DNTTIP1: variants seen among roughly 807,000 people sequenced by gnomAD.
DNTTIP1 encodes the protein deoxynucleotidyltransferase terminal interacting protein 1, also known as deoxynucleotidyltransferase terminal-interacting protein 1.
A neutral mutation model predicts 52.9 loss-of-function variants in DNTTIP1; 22 were observed. That is an observed-to-expected ratio of 0.42 (90% CI 0.30 to 0.59). The LOEUF (loss-of-function observed/expected upper bound fraction) is 0.59, where lower values mean the gene tolerates loss of function less well. DNTTIP1 is among the 20% of genes least tolerant of loss of function. DNTTIP1 has a pLI of 0.22. For synonymous variants in DNTTIP1, 136 were observed against 155.1 expected, an observed-to-expected ratio of 0.88 and a Z score of 0.92; for missense variants, 286 against 435.5, an observed-to-expected ratio of 0.66 and a Z score of 3.06.
intron 11 of DNTTIP1, among the ~76,000 whole-genome samples, chr20:45,810,575 C>CTTTTTTTT (rs57338956): frequency 4.6e-4 from 57 of 124,108 alleles, no homozygotes; most frequent in East Asian, 9.3e-4. Context: ...TTCTTTTTTT[C>CTTTTTTTT]TTTTTTTTTT....
Position 45,792,661 on chromosome 20 carries a change from C to A in DNTTIP1, c.106-16C>A. ...GTCACAGGCCGCAGTGACATTTGTTCCGTTGGTCCCCACAGAACCCTTGGA... is the reference window on the plus strand; with the variant it reads ...GTCACAGGCCGCAGTGACATTTGTTACGTTGGTCCCCACAGAACCCTTGGA... On this transcript the variant is annotated splice_polypyrimidine_tract_variant and intron_variant, in intron 1 of 12. Transcript: ENST00000372622. The A allele has an allele frequency of 6.3e-7, 1 of 1,587,858 alleles. No individual in the cohort carries two copies. The highest frequency in any genetic ancestry group is 8.6e-7 in the Non-Finnish European group (1 of 1,169,538).
chr20:45,800,691 AAAAATATATATATATATATAT>A (rs1568707670), intron 4 of DNTTIP1, among the ~76,000 whole-genome samples: 4 of 57,102 alleles, frequency 7.0e-5, no homozygotes, highest in African/African-American at 3.8e-4. Flanking sequence ...AAAAAAAAAA[AAAAATATATATATATATATAT>A]ATATATATAT....
chr20:45,798,974 G>T (rs1424905102), intron 4 of DNTTIP1, among the ~76,000 whole-genome samples: 2 of 152,210 alleles, frequency 1.3e-5, no homozygotes, highest in Non-Finnish European at 2.9e-5. Flanking sequence ...CAACAAATGT[G>T]TGCATAATTA....
rs140582552 is a variant in DNTTIP1 at position 45,811,409 on chromosome 20, A to C, written c.*214A>C. The C allele has an allele frequency of 7.8e-6, 4 of 510,930 alleles. No individual in the cohort carries two copies. Among genetic ancestry groups the C allele is most frequent in the Non-Finnish European group, 1.4e-5 (4 of 294,878 alleles). The allele number at this position is 510,930 out of a possible 1,614,324, so 31.6% of individuals were successfully genotyped here. ...GATAAGAAACAATTAAACAGTTTGTAGTAAACACAGATGGTGAACCTGCTG... is the reference window on the plus strand; with the variant it reads ...GATAAGAAACAATTAAACAGTTTGTCGTAAACACAGATGGTGAACCTGCTG... On this transcript the variant is annotated 3_prime_UTR_variant, in exon 13 of 13. Coordinates refer to ENST00000372622, the MANE Select transcript of DNTTIP1 (RefSeq NM_052951.3).
In DNTTIP1 at chr20:45,809,276, G is replaced by T; in HGVS notation, c.795+91G>T. On this transcript the variant is annotated intron_variant, in intron 11 of 12. Transcript: ENST00000372622. This position sits in a 1 kb window ranked among gnomAD's most constrained non-coding sequence, Gnocchi z 4.2. ...TGGGTGACAGCCTACCTCCAAATCT[G>T]ACTTCCAAAGCCTCACCAATGTGTG... The T allele has an allele frequency of 9.0e-7, 1 of 1,114,152 alleles. No individual in the cohort carries two copies. Among genetic ancestry groups the T allele is most frequent in the South Asian group, 1.3e-5 (1 of 78,470 alleles). 69.0% of individuals were successfully genotyped at this position (1,114,152 alleles called of 1,614,324 possible). A position where few individuals can be genotyped will look rare whatever the true frequency, so the allele number is the denominator to read the frequency against.
intron 6 of DNTTIP1, 32 bp downstream of exon 6, chr20:45,801,490 G>A: frequency 6.2e-7 from 1 of 1,612,682 alleles, no homozygotes; most frequent in Non-Finnish European, 8.5e-7. Flanking sequence ...TTTTCTGGCT[G>A]AAAAAAGGCT....
intron 2 of DNTTIP1, among the ~76,000 whole-genome samples, 161 bp from the exon 3 acceptor site, chr20:45,793,755 ATAAAG>A (rs1414505466): frequency 6.6e-6 from 1 of 152,262 alleles, no homozygotes; most frequent in Non-Finnish European, 1.5e-5. Context: ...TGAGAAAGAA[ATAAAG>A]TCATGCCTCT....
Position 45,803,384 on chromosome 20 carries a change from A to G in DNTTIP1, c.603+6A>G. Reference sequence around the variant, plus strand: ...TTCGCCGGGAAGGCCCCAAGGTATGATTATGTGAGCATGGCAGAGATCACG... The same window carrying G: ...TTCGCCGGGAAGGCCCCAAGGTATGGTTATGTGAGCATGGCAGAGATCACG... On this transcript the variant is annotated splice_donor_region_variant and intron_variant, in intron 8 of 12. Transcript: ENST00000372622. 6.2e-7 allele frequency: 1 copy of G among 1,614,140 alleles called. No homozygotes were observed. Among genetic ancestry groups the G allele is most frequent in the Non-Finnish European group, 8.5e-7 (1 of 1,180,012 alleles).
chr20:45,793,368 G>A (rs1981107111), intron 2 of DNTTIP1, among the ~76,000 whole-genome samples: 1 of 151,552 alleles, frequency 6.6e-6, no homozygotes, highest in Admixed American at 6.6e-5. Flanking sequence ...TTCCAGAACA[G>A]CCTGACCAAC....
chr20:45,801,457 AG>A lies in DNTTIP1; in HGVS notation c.498+1del. The A allele has an allele frequency of 1.2e-6, 2 of 1,614,166 alleles. No individual in the cohort carries two copies. The highest frequency in any genetic ancestry group is 1.7e-6 in the Non-Finnish European group (2 of 1,180,022). The stretch of plus-strand genomic sequence containing the variant: ...CATCGAGGAAGCCCCCTTCCTAAAA[AG>A]GTAAACCATTTCCTTGTTTTGTTTT... ...CAHRGSPLPK[K>X]RKGRPPGHIL... On this transcript the variant is annotated frameshift_variant and splice_region_variant, in exon 6 of 13. Transcript: ENST00000372622. LOFTEE classifies it high-confidence loss of function.
At chr20:45,810,101 TAGGCC>T (rs1331721119) in intron 11 of DNTTIP1, among the ~76,000 whole-genome samples, 1 of 152,206 alleles carries the variant, frequency 6.6e-6, no homozygotes, top group East Asian at 1.9e-4. Flanking sequence ...AATTCAGCTG[TAGGCC>T]CCACTCATGG....
Position 45,811,179 on chromosome 20 carries a change from C to T in DNTTIP1, c.974C>T (p.Ala325Val). ...RTENEHRAVE[A>V]PPQT is the part of the protein sequence containing the mutation. ...GAGAATGAGCATCGTGCTGTTGAAG[C>T]ACCTCCACAGACCTGAGGCCGGGTC... is the stretch of plus-strand genomic sequence containing the variant. Residue 325 changes from alanine (A) to valine (V), a missense_variant, in exon 13 of 13, where the codon GCA (alanine) becomes GTA (valine). By Grantham distance (64) the Ala-to-Val change is moderately conservative (BLOSUM62 0). Around this residue, in one of 2 missense-constraint regions of DNTTIP1, gnomAD observed 78 missense variants for 169.0 expected, o/e 0.46. Coordinates refer to ENST00000372622, the MANE Select transcript of DNTTIP1 (RefSeq NM_052951.3). The T allele has an allele frequency of 6.2e-7, 1 of 1,611,654 alleles. No individual in the cohort carries two copies. The highest frequency in any genetic ancestry group is 8.5e-7 in the Non-Finnish European group (1 of 1,178,702).
At chr20:45,799,094 G>C (rs1981338798) in intron 4 of DNTTIP1, among the ~76,000 whole-genome samples, 1 of 152,170 alleles carries the variant, frequency 6.6e-6, no homozygotes, top group Non-Finnish European at 1.5e-5. Flanking sequence ...TAGACATGGG[G>C]CAGACTATTT....
In DNTTIP1 at chr20:45,811,355, A is replaced by G. The variant is rs945980020; in HGVS notation, c.*160A>G. 1.0e-5 allele frequency: 7 copies of G among 686,190 alleles called. No individual in the cohort carries two copies. The highest frequency in any genetic ancestry group is 1.6e-5 in the Non-Finnish European group (7 of 431,562). The allele number at this position is 686,190 out of a possible 1,614,324, so 42.5% of individuals were successfully genotyped here. A position where few individuals can be genotyped will look rare whatever the true frequency, so the allele number is the denominator to read the frequency against. ...CACTGCACAGCACCCCCAGACTAGC[A>G]TGTGGTTCTATATTTGTAAAGTTAT... On this transcript the variant is annotated 3_prime_UTR_variant, in exon 13 of 13. Coordinates refer to ENST00000372622, the MANE Select transcript of DNTTIP1 (RefSeq NM_052951.3).
chr20:45,799,624 G>C (rs986949477), intron 4 of DNTTIP1, among the ~76,000 whole-genome samples: 1 of 152,150 alleles, frequency 6.6e-6, no homozygotes, highest in South Asian at 2.1e-4. Flanking sequence ...TTCCCCTCTG[G>C]TGGTTCTCTG....
chr20:45,795,424 G>GGA lies in DNTTIP1; in HGVS notation c.353_354insGA (p.Cys118TrpfsTer19). 6.2e-7 allele frequency: 1 copy of GGA among 1,609,096 alleles called. No homozygotes were observed. The highest frequency in any genetic ancestry group is 2.2e-5 in the East Asian group (1 of 44,710). ...GCAGAGCAGCTGATCCAGGAAGCCT[G>GGA]TCGGAGCTGCCTGGAGCAGGTGAGA... On this transcript the variant is annotated frameshift_variant, in exon 4 of 13. Transcript: ENST00000372622. LOFTEE classifies it high-confidence loss of function.
At chr20:45,796,822 A>G (rs893471792) in intron 4 of DNTTIP1, among the ~76,000 whole-genome samples, 3 of 152,034 alleles carry the variant, frequency 2.0e-5, no homozygotes, top group African/African-American at 7.2e-5. Context: ...ACTGTCCTCA[A>G]CTTACTCAGC....
chr20:45,801,951 G>A (rs772085900), intron 6 of DNTTIP1, 48 bp from the exon 7 acceptor site: 3 of 1,586,572 alleles, frequency 1.9e-6, no homozygotes, highest in African/African-American at 1.3e-5. Flanking sequence ...AATGGGGTAT[G>A]GGGAGTAACC....
chr20:45,804,705 G>A (rs932946155), intron 8 of DNTTIP1, among the ~76,000 whole-genome samples: 1 of 152,148 alleles, frequency 6.6e-6, no homozygotes, highest in African/African-American at 2.4e-5. Flanking sequence ...AGGCCAAGCT[G>A]CCTCTCACCT....
Sources: gnomAD v4.1 joint callset for allele counts (sites outside exome capture counted in the v4.1 genomes callset) on GRCh38, gnomAD v4.1.1 for gene constraint, gnomAD v4.1.1 regional missense constraint, Gnocchi (gnomAD v3.1) non-coding constraint, MANE v1.5 for transcripts, NCBI Gene and HGNC (gene_info 2026-07-23, HGNC 2026-07-21) for gene names.